The following EP300 variants were observed in gnomAD, a reference collection of about 807,000 sequenced individuals.
EP300 encodes the protein histone acetyltransferase p300.
In EP300, 31 loss-of-function variants were observed where a neutral mutation model predicts 264.0. The ratio of observed to expected loss-of-function variants is 0.12; its 90% CI spans 0.09 to 0.16. The LOEUF (loss-of-function observed/expected upper bound fraction) is 0.16. Ranked by LOEUF, EP300 falls within the 10% of genes least tolerant of loss-of-function variation. The pLI, the probability that EP300 is intolerant of heterozygous loss-of-function variation, is 1.00. For synonymous variants in EP300, 1,340 were observed against 1,045.4 expected, an observed-to-expected ratio of 1.28 and a Z score of -5.44; for missense variants, 2,766 against 3,052.9, an observed-to-expected ratio of 0.91 and a Z score of 2.21.
chr22:41,130,727 C>A (rs1401099742), intron 5 of EP300, among the ~76,000 whole-genome samples: 1 of 151,614 alleles, frequency 6.6e-6, no homozygotes, highest in Non-Finnish European at 1.5e-5. Context: ...TACTTGTGAT[C>A]TAAACGTTCC....
intron 10 of EP300, among the ~76,000 whole-genome samples, chr22:41,143,600 C>G (rs577688122): frequency 6.6e-6 from 1 of 150,482 alleles, no homozygotes; most frequent in Non-Finnish European, 1.5e-5. Context: ...TTTTTTGAAA[C>G]AGTCTCTCTT....
intron 2 of EP300, 79 bp downstream of exon 2, chr22:41,117,900 T>C: frequency 6.2e-7 from 1 of 1,600,870 alleles, no homozygotes; most frequent in Non-Finnish European, 8.5e-7. Flanking sequence ...TTGCCTTACA[T>C]TGTATAGCAG....
intron 9 of EP300, 107 bp from the exon 10 acceptor site, chr22:41,140,941 C>A: frequency 2.8e-6 from 3 of 1,080,824 alleles, no homozygotes; most frequent in African/African-American, 1.6e-5. Context: ...GTTCTTAATG[C>A]AGCATATAAA....
At position 41,129,887 on chromosome 22, in the gene EP300, T is replaced by G. The variant is rs377333217; in HGVS notation, c.1169-3T>G. Reference sequence around the variant, plus strand: ...TTGAAAAAATATGTTTTCTTCTCTTTAGTGGCACACTGTGCATCTTCTCGA... The same window carrying G: ...TTGAAAAAATATGTTTTCTTCTCTTGAGTGGCACACTGTGCATCTTCTCGA... On this transcript the variant is annotated splice_polypyrimidine_tract_variant and splice_region_variant and intron_variant, in intron 4 of 30. Coordinates refer to ENST00000263253, the MANE Select transcript of EP300 (RefSeq NM_001429.4). 6.2e-7 allele frequency: 1 copy of G among 1,611,366 alleles called. No individual in the cohort carries two copies. The highest frequency in any genetic ancestry group is 1.1e-5 in the South Asian group (1 of 91,036).
At chr22:41,113,825 C>A (rs751119832) in intron 1 of EP300, among the ~76,000 whole-genome samples, 14 of 152,234 alleles carry the variant, frequency 9.2e-5, no homozygotes, top group African/African-American at 1.4e-4. Context: ...GGATAACAGG[C>A]GTGAGCCACT....
At chr22:41,093,341 G>A (rs1279769449) in intron 1 of EP300, among the ~76,000 whole-genome samples, 1 of 152,176 alleles carries the variant, frequency 6.6e-6, no homozygotes, top group Non-Finnish European at 1.5e-5. Context: ...GCTCGTAAGT[G>A]GGTGCTATAT....
chr22:41,158,559 C>G (rs774760758), intron 19 of EP300, 59 bp downstream of exon 19: 148 of 1,345,808 alleles, frequency 1.1e-4, no homozygotes, highest in Non-Finnish European at 1.4e-4. Context: ...GGAGTGCATG[C>G]GGATGGGCCA....
chr22:41,117,356 T>C lies in EP300; in HGVS notation c.264T>C (p.Gly88=). The change falls in exon 2 of 31, where the codon GGT becomes GGC. Residue 88 remains glycine, a synonymous_variant. Coordinates refer to ENST00000263253, the MANE Select transcript of EP300 (RefSeq NM_001429.4). Reference sequence around the variant, plus strand: ...AGCTGTCAGAATTGCTGCGATCTGGTAGTTCCCCTAACCTCAATATGGGAG... The same window carrying C: ...AGCTGTCAGAATTGCTGCGATCTGGCAGTTCCCCTAACCTCAATATGGGAG... The part of the protein sequence containing the change: ...HKQLSELLRS[G]SSPNLNMGVG... The C allele has an allele frequency of 1.2e-6, 2 of 1,614,172 alleles. No individual in the cohort carries two copies. The highest frequency in any genetic ancestry group is 1.7e-6 in the Non-Finnish European group (2 of 1,180,024).
chr22:41,165,741 TATTTA>T (rs1028868165), intron 22 of EP300, among the ~76,000 whole-genome samples: 2 of 151,444 alleles, frequency 1.3e-5, no homozygotes, highest in Non-Finnish European at 2.9e-5. Flanking sequence ...GATTTATGTG[TATTTA>T]ATTTTTAATT....
intron 21 of EP300, among the ~76,000 whole-genome samples, chr22:41,163,190 CT>C (rs1187994081): frequency 6.6e-5 from 10 of 151,828 alleles, no homozygotes; most frequent in Non-Finnish European, 1.2e-4. Context: ...AATCCCAGCA[CT>C]TTGGGAGGCC....
At chr22:41,174,265 G>T (rs1175025872) in intron 29 of EP300, among the ~76,000 whole-genome samples, 4 of 151,930 alleles carry the variant, frequency 2.6e-5, no homozygotes, top group Non-Finnish European at 4.4e-5. Flanking sequence ...CCGAAACCCC[G>T]TCTCTACTAA....
rs17002307 is a variant in EP300, at chr22:41,140,161, G to C, written c.1782G>C (p.Thr594=). 2.3e-4 allele frequency: 365 copies of C among 1,613,904 alleles called. 3 individuals carry two copies. In the East Asian group the frequency reaches 6.7e-3, roughly 30 times the overall value. The change falls in exon 9 of 31, where the codon ACG becomes ACC. Residue 594 remains threonine (T), a synonymous_variant. Transcript: ENST00000263253. ...CCAGCGTCCAAGCCATATTTCCTAC[G>C]CCGGATCCTGCTGCTTTAAAAGACA... is the stretch of plus-strand genomic sequence containing the variant. ...VHKLVQAIFP[T]PDPAALKDRR...
chr22:41,157,073 C>A (rs2059081415), intron 17 of EP300, 96 bp from the exon 18 acceptor site: 1 of 1,509,718 alleles, frequency 6.6e-7, no homozygotes, highest in East Asian at 2.3e-5. Flanking sequence ...GAAACTAAAA[C>A]ACTGCCTGGA....
In EP300 at chr22:41,120,861, A is replaced by G. The variant is rs1473633949; in HGVS notation, c.729+3040A>G. Among the ~76,000 whole-genome samples, 7 of 152,202 alleles carry G rather than the reference A, an allele frequency of 4.6e-5. No homozygotes were observed. The South Asian group carries it at 8.3e-4, about 18-fold the overall frequency. ...AGACTCCTAAGTAGCTAGTACTACA[A>G]GGACTGTCATGCCCTGCCAGTTATT... On this transcript the variant is annotated intron_variant, in intron 2 of 30. Coordinates refer to ENST00000263253, the MANE Select transcript of EP300 (RefSeq NM_001429.4).
intron 7 of EP300, 46 bp downstream of exon 7, chr22:41,135,952 A>G (rs1244727724): frequency 7.4e-7 from 1 of 1,353,052 alleles, no homozygotes. Flanking sequence ...TACAAATACT[A>G]CTGGTTAACA....
At chr22:41,173,557 T>C in intron 28 of EP300, 66 bp from the exon 29 acceptor site, 2 of 1,521,810 alleles carry the variant, frequency 1.3e-6, no homozygotes, top group Non-Finnish European at 1.8e-6. Context: ...AGGGAGATAT[T>C]CTGTGCTATT....
intron 22 of EP300, 125 bp downstream of exon 22, chr22:41,164,255 G>T (rs370655380): frequency 1.8e-4 from 169 of 934,450 alleles, no homozygotes; most frequent in Middle Eastern, 2.3e-4. Flanking sequence ...GTTTTCTTTG[G>T]GTTTGGCCAC....
intron 8 of EP300, among the ~76,000 whole-genome samples, chr22:41,139,845 C>T (rs577565237): frequency 1.3e-5 from 2 of 152,282 alleles, no homozygotes; most frequent in Non-Finnish European, 2.9e-5. Context: ...GATACTATGA[C>T]AAGGCCTGTT....
rs1345507137 is a variant in EP300 at position 41,179,066 on chromosome 22, T to C, written c.*110T>C. 3 of 1,345,628 alleles carry C rather than the reference T, an allele frequency of 2.2e-6. No homozygotes were observed. Among genetic ancestry groups the C allele is most frequent in the African/African-American group, 2.9e-5 (2 of 69,108 alleles). 83.4% of individuals were successfully genotyped at this position (1,345,628 alleles called of 1,614,324 possible). ...TCGTAGCCTAAAAGACAATTTTCCT[T>C]GGAACACATAAGAACTGTGCAGTAG... On this transcript the variant is annotated 3_prime_UTR_variant, in exon 31 of 31. Coordinates refer to ENST00000263253, the MANE Select transcript of EP300 (RefSeq NM_001429.4).
Sources: gnomAD v4.1 joint callset for allele counts (sites outside exome capture counted in the v4.1 genomes callset) on GRCh38, gnomAD v4.1.1 for gene constraint, MANE v1.5 for transcripts, NCBI Gene and HGNC (gene_info 2026-07-23, HGNC 2026-07-21) for gene names.